MACROD2: variants seen among roughly 807,000 people sequenced by gnomAD.
MACROD2 encodes mono-ADP ribosylhydrolase 2.
MACROD2 carries 36 observed loss-of-function variants against 70.4 expected under a neutral mutation model. That is an observed-to-expected ratio of 0.51 (90% CI 0.39 to 0.68). The LOEUF is 0.68. MACROD2 is among the 30% of genes least tolerant of loss of function. The probability of loss-of-function intolerance (pLI) is 0.00; values close to 1 mark genes in which losing one functional copy is unlikely to be tolerated. For synonymous variants in MACROD2, 172 were observed against 178.8 expected (o/e 0.96, Z 0.30); for missense variants, 496 against 538.4 (o/e 0.92, Z 0.78).
At chr20:14,695,960 G>A (rs1395576036) in intron 5 of MACROD2, among the ~76,000 whole-genome samples, 1 of 152,194 alleles carries the variant, frequency 6.6e-6, no homozygotes, top group Non-Finnish European at 1.5e-5. Context: ...AGTTTATAAA[G>A]CAGGGGAAAG....
chr20:15,581,529 A>T (rs894018086), intron 8 of MACROD2, among the ~76,000 whole-genome samples: 6 of 152,208 alleles, frequency 3.9e-5, no homozygotes, highest in Non-Finnish European at 8.8e-5. Context: ...GAATGTGTTA[A>T]CCAGGTAACT....
At chr20:15,281,308 C>T (rs1239256865) in intron 6 of MACROD2, among the ~76,000 whole-genome samples, 2 of 152,330 alleles carry the variant, frequency 1.3e-5, no homozygotes, top group East Asian at 3.9e-4. Flanking sequence ...ATCTTCCCAA[C>T]AGTCCCCCAA....
intron 5 of MACROD2, among the ~76,000 whole-genome samples, chr20:15,052,712 T>C (rs2075452558): frequency 6.6e-6 from 1 of 152,172 alleles, no homozygotes; most frequent in South Asian, 2.1e-4. Context: ...AACTCTACAA[T>C]GGCCTTTAAG....
intron 6 of MACROD2, among the ~76,000 whole-genome samples, chr20:15,266,885 C>A (rs2077299800): frequency 6.6e-6 from 1 of 152,214 alleles, no homozygotes; most frequent in Non-Finnish European, 1.5e-5. Context: ...AGACATTCAT[C>A]CAGACGCCCT....
At chr20:15,333,878 T>TA (rs1198647591) in intron 6 of MACROD2, among the ~76,000 whole-genome samples, 1 of 151,704 alleles carries the variant, frequency 6.6e-6, no homozygotes, top group African/African-American at 2.4e-5. Flanking sequence ...TTACTTTGCT[T>TA]AAAAAAATGC....
chr20:14,998,914 G>A (rs2074971631), intron 5 of MACROD2, among the ~76,000 whole-genome samples: 1 of 152,208 alleles, frequency 6.6e-6, no homozygotes, highest in Non-Finnish European at 1.5e-5. Context: ...ATACAATGGA[G>A]CTCCAATATG....
chr20:15,820,497 T>C (rs1490038970), intron 8 of MACROD2, among the ~76,000 whole-genome samples: 1 of 152,202 alleles, frequency 6.6e-6, no homozygotes, highest in Non-Finnish European at 1.5e-5. Flanking sequence ...TGGGCCCTTC[T>C]GCCAGTTTTT....
At chr20:15,401,360 G>C (rs2045928471) in intron 6 of MACROD2, among the ~76,000 whole-genome samples, 1 of 152,178 alleles carries the variant, frequency 6.6e-6, no homozygotes, top group Non-Finnish European at 1.5e-5. Flanking sequence ...AGAAAGGAAA[G>C]AATACAAGCC....
intron 5 of MACROD2, among the ~76,000 whole-genome samples, chr20:15,177,297 C>T (rs1601181674): frequency 1.3e-5 from 2 of 152,350 alleles, no homozygotes; most frequent in East Asian, 3.9e-4. Context: ...TGTGAGGAAA[C>T]ACCAGATTGT....
In MACROD2 at chr20:14,367,244, A is replaced by T. The variant is rs188368241; in HGVS notation, c.272-126235A>T. Among the ~76,000 whole-genome samples the T allele has an allele frequency of 3.9e-5, 6 of 152,344 alleles. No individual in the cohort carries two copies. The East Asian group carries it at 1.2e-3, about 29-fold the overall frequency. ...CTTTATACATTGTGTGTCTGATAACATACATTATAATTATTGTTTTATGCA... is the reference window on the plus strand; with the variant it reads ...CTTTATACATTGTGTGTCTGATAACTTACATTATAATTATTGTTTTATGCA... On this transcript the variant is annotated intron_variant, in intron 3 of 17. Coordinates refer to ENST00000684519, the MANE Select transcript of MACROD2 (RefSeq NM_001351661.2).
intron 6 of MACROD2, among the ~76,000 whole-genome samples, chr20:15,276,101 T>TA (rs1041793986): frequency 1.3e-5 from 2 of 152,104 alleles, no homozygotes; most frequent in Non-Finnish European, 2.9e-5. Context: ...AAAAGTCAAT[T>TA]AAAAATCTCA....
At chr20:14,980,965 T>G (rs2074791659) in intron 5 of MACROD2, among the ~76,000 whole-genome samples, 1 of 152,098 alleles carries the variant, frequency 6.6e-6, no homozygotes, top group Non-Finnish European at 1.5e-5. Flanking sequence ...CTTAGCTCCT[T>G]GAGTTCTTCT....
intron 3 of MACROD2, among the ~76,000 whole-genome samples, chr20:14,134,836 A>T (rs2054774222): frequency 6.7e-6 from 1 of 149,028 alleles, no homozygotes; most frequent in South Asian, 2.1e-4. Context: ...CTACAAATTC[A>T]TGTCAATGAA....
intron 5 of MACROD2, among the ~76,000 whole-genome samples, chr20:15,187,635 T>C (rs1445300079): frequency 6.6e-6 from 1 of 152,178 alleles, no homozygotes; most frequent in African/African-American, 2.4e-5. Context: ...TGCCTTTGAT[T>C]AAACTCTGAT....
At chr20:14,702,767 A>G (rs1183691779) in intron 5 of MACROD2, among the ~76,000 whole-genome samples, 1 of 149,286 alleles carries the variant, frequency 6.7e-6, no homozygotes, top group Non-Finnish European at 1.5e-5. Flanking sequence ...TTCTCTTGTC[A>G]TTCAGGGTGG....
chr20:14,011,780 C>T (rs1182038077), intron 2 of MACROD2, among the ~76,000 whole-genome samples: 4 of 152,168 alleles, frequency 2.6e-5, no homozygotes, highest in African/African-American at 7.2e-5. Context: ...CTGCCTACCT[C>T]GGCCTCCCAA....
At chr20:14,354,117 T>C (rs2083150532) in intron 3 of MACROD2, among the ~76,000 whole-genome samples, 1 of 152,202 alleles carries the variant, frequency 6.6e-6, no homozygotes, top group Non-Finnish European at 1.5e-5. Flanking sequence ...CCTTAGAATT[T>C]TCTGTTTCTA....
chr20:14,395,769 T>C (rs2083574014), intron 3 of MACROD2, among the ~76,000 whole-genome samples: 1 of 152,234 alleles, frequency 6.6e-6, no homozygotes, highest in Admixed American at 6.5e-5. Context: ...AATCCACAGA[T>C]GTTGGAATAT....
chr20:15,006,840 C>T (rs151194003), intron 5 of MACROD2, among the ~76,000 whole-genome samples: 1 of 152,286 alleles, frequency 6.6e-6, no homozygotes, highest in East Asian at 1.9e-4. Context: ...GGGTACTTCA[C>T]TCCCACCAAC....
Sources: gnomAD v4.1 joint callset for allele counts (sites outside exome capture counted in the v4.1 genomes callset) on GRCh38, gnomAD v4.1.1 for gene constraint, MANE v1.5 for transcripts, NCBI Gene and HGNC (gene_info 2026-07-23, HGNC 2026-07-21) for gene names.